Variants in GPR39 observed in about 807,000 individuals in gnomAD.
GPR39 encodes the protein G protein-coupled receptor 39.
In GPR39, 23 loss-of-function variants were observed where a neutral mutation model predicts 18.4. That is an observed-to-expected ratio of 1.25 (90% confidence interval 0.90 to 1.77). The LOEUF (loss-of-function observed/expected upper bound fraction) is 1.77. Among genes scored for constraint, GPR39 ranks in the 40% most tolerant of loss-of-function variants. The pLI, the probability that GPR39 is intolerant of heterozygous loss-of-function variation, is 0.00. For missense variants in GPR39, 647 were observed against 602.4 expected (o/e 1.07, Z -0.78); for synonymous variants, 280 against 257.9 (o/e 1.09, Z -0.82).
intron 1 of GPR39, among the ~76,000 whole-genome samples, chr2:132,607,124 G>A (rs1326727868): frequency 2.0e-5 from 3 of 152,212 alleles, no homozygotes; most frequent in African/African-American, 7.2e-5. Flanking sequence ...GAAGCAGGGA[G>A]TATTCACATG....
At chr2:132,440,997 G>T (rs1462215195) in intron 1 of GPR39, among the ~76,000 whole-genome samples, 2 of 152,144 alleles carry the variant, frequency 1.3e-5, no homozygotes, top group African/African-American at 4.8e-5. Context: ...GTGGGTAAAG[G>T]TCTCAGCCAA....
intron 1 of GPR39, among the ~76,000 whole-genome samples, chr2:132,636,614 T>A (rs1257482507): frequency 6.6e-6 from 1 of 152,216 alleles, no homozygotes; most frequent in Non-Finnish European, 1.5e-5. Flanking sequence ...TCATGGGCTG[T>A]GTAAATTTGG....
In GPR39 at chr2:132,622,375, C is replaced by A. The variant is rs550409378; in HGVS notation, c.857-22726C>A. On this transcript the variant is annotated intron_variant, in intron 1 of 1. Transcript: ENST00000329321. ...CACCATTGCACTCCAGCCTGGGCGA[C>A]AGAGTGAGACTCCCTCTCAAAAACA... Among the ~76,000 whole-genome samples, 4 of 152,278 alleles carry A rather than the reference C, an allele frequency of 2.6e-5. No homozygotes were observed. The South Asian group carries it at 8.3e-4, about 32-fold the overall frequency.
chr2:132,492,726 ACC>A (rs1681511954), intron 1 of GPR39, among the ~76,000 whole-genome samples: 1 of 97,084 alleles, frequency 1.0e-5, no homozygotes, highest in African/African-American at 3.0e-5. Context: ...CCATATATAT[ACC>A]ATATATATAT....
At chr2:132,481,837 A>G (rs563667635) in intron 1 of GPR39, among the ~76,000 whole-genome samples, 3 of 152,338 alleles carry the variant, frequency 2.0e-5, no homozygotes, top group African/African-American at 7.2e-5. Flanking sequence ...ATTCACAGCA[A>G]TGCTCCAGCC....
rs542484983 is a variant in GPR39, at chr2:132,536,396, C to T, written c.857-108705C>T. On this transcript the variant is annotated intron_variant, in intron 1 of 1. Coordinates refer to ENST00000329321, the MANE Select transcript of GPR39 (RefSeq NM_001508.3). ...TGTGGTTTTGAGTGAGTTTCTTAAT[C>T]CTGATTTCTAATGTAGTTGCACTGT... Among the ~76,000 whole-genome samples, 4 of 152,264 alleles carry T rather than the reference C, an allele frequency of 2.6e-5. 1 individual carries two copies. The highest frequency in any genetic ancestry group is 6.5e-5 in the Admixed American group (1 of 15,292).
chr2:132,419,963 G>A (rs1032704382), intron 1 of GPR39, among the ~76,000 whole-genome samples: 2 of 152,206 alleles, frequency 1.3e-5, no homozygotes, highest in Non-Finnish European at 2.9e-5. Flanking sequence ...GGTGCTCCAA[G>A]TTAAAGCCAG....
At chr2:132,492,725 T>TATAATATATATACAC (rs1681511641) in intron 1 of GPR39, among the ~76,000 whole-genome samples, 1 of 101,750 alleles carries the variant, frequency 9.8e-6, no homozygotes, top group Non-Finnish European at 2.4e-5. Context: ...ACCATATATA[T>TATAATATATATACAC]ACCATATATA....
intron 1 of GPR39, among the ~76,000 whole-genome samples, chr2:132,485,904 T>C (rs985792517): frequency 3.3e-5 from 5 of 152,222 alleles, no homozygotes; most frequent in African/African-American, 9.6e-5. Flanking sequence ...GGGAATTCTT[T>C]CCAGAAGGTG....
intron 1 of GPR39, among the ~76,000 whole-genome samples, chr2:132,512,706 C>T (rs1679262796): frequency 6.6e-6 from 1 of 152,200 alleles, no homozygotes; most frequent in African/African-American, 2.4e-5. Flanking sequence ...ACACTAGTGC[C>T]TGGCTCAGAG....
At chr2:132,576,688 C>G (rs1056741704) in intron 1 of GPR39, among the ~76,000 whole-genome samples, 1 of 151,948 alleles carries the variant, frequency 6.6e-6, no homozygotes, top group Admixed American at 6.6e-5. Context: ...TAAGCCTAGC[C>G]CTCAGTCCTG....
intron 1 of GPR39, among the ~76,000 whole-genome samples, chr2:132,561,209 C>T (rs758195533): frequency 4.6e-5 from 7 of 152,158 alleles, no homozygotes; most frequent in Non-Finnish European, 8.8e-5. Context: ...TGAGCCACTG[C>T]ACCTGGCCCA....
intron 1 of GPR39, among the ~76,000 whole-genome samples, chr2:132,642,815 G>A (rs1246233903): frequency 6.6e-6 from 1 of 152,098 alleles, no homozygotes; most frequent in African/African-American, 2.4e-5. Flanking sequence ...TCCATATTCT[G>A]GGCAATAACT....
At chr2:132,491,981 T>A (rs1681470666) in intron 1 of GPR39, among the ~76,000 whole-genome samples, 2 of 151,542 alleles carry the variant, frequency 1.3e-5, no homozygotes, top group African/African-American at 4.9e-5. Flanking sequence ...AAATTCATTA[T>A]TAATTTTCAT....
At chr2:132,537,258 G>C (rs1210246840) in intron 1 of GPR39, among the ~76,000 whole-genome samples, 1 of 152,158 alleles carries the variant, frequency 6.6e-6, no homozygotes, top group Non-Finnish European at 1.5e-5. Context: ...TTGTAAGGCA[G>C]TCCTGTGGTG....
At chr2:132,582,036 G>A (rs567973643) in intron 1 of GPR39, among the ~76,000 whole-genome samples, 2 of 152,346 alleles carry the variant, frequency 1.3e-5, no homozygotes, top group Non-Finnish European at 2.9e-5. Flanking sequence ...TGCTGTCGGA[G>A]TCACCTGGCA....
At chr2:132,631,121 G>T (rs1375018702) in intron 1 of GPR39, among the ~76,000 whole-genome samples, 1 of 152,170 alleles carries the variant, frequency 6.6e-6, no homozygotes, top group African/African-American at 2.4e-5. Context: ...GTAGAGAGCT[G>T]AGGGCAGCTC....
rs577368312 is a variant in GPR39, at chr2:132,464,270, T to C, written c.856+46372T>C. On this transcript the variant is annotated intron_variant, in intron 1 of 1. Coordinates refer to ENST00000329321, the MANE Select transcript of GPR39 (RefSeq NM_001508.3). ...GCTTGGGATCATGCATATACAGACA[T>C]GGCTGTTGGTGTTCAGTTGTGTGGT... Among the ~76,000 whole-genome samples the C allele has an allele frequency of 2.1e-3, 322 of 152,310 alleles. 1 individual carries two copies. Among genetic ancestry groups the C allele is most frequent in the Non-Finnish European group, 3.7e-3 (249 of 68,030 alleles).
At chr2:132,421,991 T>G (rs1680018465) in intron 1 of GPR39, among the ~76,000 whole-genome samples, 1 of 152,180 alleles carries the variant, frequency 6.6e-6, no homozygotes, top group South Asian at 2.1e-4. Flanking sequence ...AAGTGAAAAT[T>G]ATGAAAAGAA....
Sources: allele counts gnomAD v4.1 joint callset (sites outside exome capture counted in the v4.1 genomes callset), GRCh38; gene constraint gnomAD v4.1.1; transcripts MANE v1.5; gene names NCBI Gene and HGNC (gene_info 2026-07-23, HGNC 2026-07-21).